Variants in SNTG1 observed in about 807,000 individuals in gnomAD.
SNTG1 encodes the protein syntrophin gamma 1, also known as gamma-1-syntrophin.
In SNTG1, 39 loss-of-function variants were observed where a neutral mutation model predicts 74.7. The observed-to-expected ratio is 0.52, with a 90% CI of 0.40 to 0.68. The LOEUF is 0.68. SNTG1 is among the 30% of genes least tolerant of loss of function. The pLI, the probability that SNTG1 is intolerant of heterozygous loss-of-function variation, is 0.00. For missense variants in SNTG1, 685 were observed against 609.5 expected (o/e 1.12, Z -1.30); for synonymous variants, 254 against 217.1 (o/e 1.17, Z -1.49).
At chr8:50,562,821 T>C (rs992231087) in intron 12 of SNTG1, among the ~76,000 whole-genome samples, 6 of 152,138 alleles carry the variant, frequency 3.9e-5, no homozygotes, top group Admixed American at 1.3e-4. Context: ...AACATTTACG[T>C]TATTAATTAG....
chr8:50,502,835 A>G lies in SNTG1; in HGVS notation c.421A>G (p.Arg141Gly). The G allele has an allele frequency of 1.2e-6, 2 of 1,613,570 alleles. No individual in the cohort carries two copies. The highest frequency in any genetic ancestry group is 2.2e-5 in the South Asian group (2 of 91,036). The change falls in exon 9 of 19, where the codon AGA becomes GGA. Residue 141 changes from arginine (R) to glycine (G), a missense_variant. Coordinates refer to ENST00000642720, the MANE Select transcript of SNTG1 (RefSeq NM_018967.5). ...GACTCTAACAGTGTCATTTTTAAAA[A>G]GAGCACCTGCTTTCCTCAAACTCCC... ...EVTLTVSFLKRAPAFLKLPLN... is the reference protein window; with the variant it reads ...EVTLTVSFLKGAPAFLKLPLN...
intron 1 of SNTG1, among the ~76,000 whole-genome samples, chr8:50,086,699 C>A (rs1461745350): frequency 6.6e-6 from 1 of 151,992 alleles, no homozygotes; most frequent in African/African-American, 2.4e-5. Flanking sequence ...ATGTTCATAA[C>A]TAGAGACATG....
At chr8:50,589,690 CA>C (rs1392422859) in intron 12 of SNTG1, among the ~76,000 whole-genome samples, 5 of 151,490 alleles carry the variant, frequency 3.3e-5, no homozygotes, top group African/African-American at 7.3e-5. Context: ...TTCTTTATAA[CA>C]ATTCATATGA....
At chr8:50,299,336 C>T (rs541560206) in intron 2 of SNTG1, among the ~76,000 whole-genome samples, 1 of 152,068 alleles carries the variant, frequency 6.6e-6, no homozygotes, top group Non-Finnish European at 1.5e-5. Context: ...TTCACCTTCT[C>T]TTCCTCCTCA....
At chr8:50,209,202 G>A (rs569189834) in intron 2 of SNTG1, among the ~76,000 whole-genome samples, 9 of 152,092 alleles carry the variant, frequency 5.9e-5, no homozygotes, top group Non-Finnish European at 1.3e-4. Context: ...TGAGGCTTGA[G>A]TAGATAAACA....
At chr8:50,792,598 A>C in intron 18 of SNTG1, 73 bp from the exon 19 acceptor site, 5 of 1,431,808 alleles carry the variant, frequency 3.5e-6, no homozygotes, top group Non-Finnish European at 3.8e-6. Flanking sequence ...AAATTGAAAA[A>C]AAATCTAGCT....
intron 1 of SNTG1, among the ~76,000 whole-genome samples, chr8:50,154,652 C>A (rs980194828): frequency 8.5e-5 from 13 of 152,186 alleles, no homozygotes; most frequent in African/African-American, 2.9e-4. Flanking sequence ...TCACAAAAAT[C>A]TTTAAACCTA....
chr8:50,704,852 C>G, intron 16 of SNTG1, 100 bp downstream of exon 16: 1 of 1,384,356 alleles, frequency 7.2e-7, no homozygotes, highest in Non-Finnish European at 9.8e-7. Context: ...AAATACAGTT[C>G]TGGGAATCTT....
At chr8:50,711,303 T>C (rs1024341782) in intron 17 of SNTG1, among the ~76,000 whole-genome samples, 1 of 152,218 alleles carries the variant, frequency 6.6e-6, no homozygotes, top group Non-Finnish European at 1.5e-5. Flanking sequence ...TAAGACTATA[T>C]GTCCAAGAGT....
At chr8:50,572,315 A>T (rs2094553900) in intron 12 of SNTG1, among the ~76,000 whole-genome samples, 1 of 151,286 alleles carries the variant, frequency 6.6e-6, no homozygotes. Flanking sequence ...ATGTTTGGTG[A>T]ATTCATGCAA....
chr8:50,230,946 GT>G (rs2085590501), intron 2 of SNTG1, among the ~76,000 whole-genome samples: 1 of 151,054 alleles, frequency 6.6e-6, no homozygotes, highest in Non-Finnish European at 1.5e-5. Flanking sequence ...GGAAACAAGA[GT>G]GAACAGTCAA....
chr8:50,516,692 T>A (rs967634695), intron 9 of SNTG1, among the ~76,000 whole-genome samples: 1 of 151,698 alleles, frequency 6.6e-6, no homozygotes, highest in Non-Finnish European at 1.5e-5. Flanking sequence ...AGAAAGGATA[T>A]CAGAGATTGA....
chr8:50,289,596 G>A (rs868670644), intron 2 of SNTG1, among the ~76,000 whole-genome samples: 27 of 152,148 alleles, frequency 1.8e-4, no homozygotes, highest in South Asian at 4.1e-4. Flanking sequence ...ATCCTGAGCC[G>A]TTTCCACAAA....
chr8:50,484,415 A>G (rs1205659491), intron 8 of SNTG1, among the ~76,000 whole-genome samples: 2 of 151,336 alleles, frequency 1.3e-5, no homozygotes, highest in African/African-American at 4.9e-5. Flanking sequence ...GGGTTTCACC[A>G]TGTTGGTCAG....
chr8:50,575,312 A>ATGAC (rs1198498939), intron 12 of SNTG1, among the ~76,000 whole-genome samples: 1 of 152,222 alleles, frequency 6.6e-6, no homozygotes, highest in Non-Finnish European at 1.5e-5. Context: ...TTCTACTGAA[A>ATGAC]TGACCTTCTT....
Position 50,121,485 on chromosome 8 carries a change from GA to G in SNTG1, c.-102-51068del, listed in dbSNP as rs375070519. Reference sequence around the variant, plus strand: ...AAAATAATGTTACAGGTACCTGCTAGAAAAAAAATGTTGATGTGCTTTGGAA... The same window carrying G: ...AAAATAATGTTACAGGTACCTGCTAGAAAAAAATGTTGATGTGCTTTGGAA... On this transcript the variant is annotated intron_variant, in intron 1 of 18. Transcript: ENST00000642720. 3.4e-3 allele frequency among the ~76,000 whole-genome samples: 484 copies of G among 141,378 alleles called. 51 individuals are homozygous for G. Among genetic ancestry groups the G allele is most frequent in the African/African-American group, 0.012 (463 of 39,096 alleles). The allele number at this position is 141,378 out of a possible 152,430, so 92.7% of individuals were successfully genotyped here.
At chr8:50,275,353 GT>G (rs1477577710) in intron 2 of SNTG1, among the ~76,000 whole-genome samples, 1 of 151,838 alleles carries the variant, frequency 6.6e-6, no homozygotes, top group Admixed American at 6.6e-5. Context: ...TTTGTTCTTT[GT>G]TATTTTTTAA....
intron 4 of SNTG1, among the ~76,000 whole-genome samples, chr8:50,416,459 G>A (rs1005068072): frequency 2.0e-5 from 3 of 152,100 alleles, no homozygotes; most frequent in Non-Finnish European, 4.4e-5. Context: ...TCTTACTTAA[G>A]AGCATAAATT....
intron 2 of SNTG1, among the ~76,000 whole-genome samples, chr8:50,217,885 A>C (rs2084871047): frequency 6.6e-6 from 1 of 152,172 alleles, no homozygotes; most frequent in Admixed American, 6.6e-5. Flanking sequence ...TGTAGACTGC[A>C]TTCATTCTGA....
Sources: gnomAD v4.1 joint callset for allele counts (sites outside exome capture counted in the v4.1 genomes callset) on GRCh38, gnomAD v4.1.1 for gene constraint, MANE v1.5 for transcripts, NCBI Gene and HGNC (gene_info 2026-07-23, HGNC 2026-07-21) for gene names.